DAB1: variants seen among roughly 807,000 people sequenced by gnomAD.
DAB1 encodes DAB adaptor protein 1.
Under a neutral mutation model 64.6 loss-of-function variants are expected in DAB1, and 15 were observed. That is an observed-to-expected ratio of 0.23 (90% CI 0.16 to 0.36). The LOEUF (loss-of-function observed/expected upper bound fraction) is 0.36. Among genes scored for constraint, DAB1 ranks in the 10% least tolerant of loss-of-function variants. DAB1 has a pLI of 1.00. For synonymous variants in DAB1, 235 were observed against 251.9 expected (o/e 0.93, Z 0.64); for missense variants, 596 against 706.7 (o/e 0.84, Z 1.78).
At chr1:58,229,505 AG>A (rs1425817407) in intron 4 of DAB1, among the ~76,000 whole-genome samples, 1 of 152,104 alleles carries the variant, frequency 6.6e-6, no homozygotes, top group African/African-American at 2.4e-5. Flanking sequence ...GACCTCACAG[AG>A]TGATAAGTGT....
chr1:57,866,727 A>G (rs1427499195), intron 1 of DAB1, among the ~76,000 whole-genome samples: 1 of 152,198 alleles, frequency 6.6e-6, no homozygotes, highest in East Asian at 1.9e-4. Context: ...AATGACAGGT[A>G]TTATTTTTAA....
At chr1:58,096,869 C>G (rs1280203426) in intron 5 of DAB1, among the ~76,000 whole-genome samples, 1 of 152,238 alleles carries the variant, frequency 6.6e-6, no homozygotes, top group East Asian at 1.9e-4. Flanking sequence ...CACTGGCTGA[C>G]TGGCCAGCCT....
At chr1:57,386,363 T>TG (rs965243465) in intron 1 of DAB1, among the ~76,000 whole-genome samples, 3 of 62,254 alleles carry the variant, frequency 4.8e-5, no homozygotes, top group African/African-American at 2.7e-4. Flanking sequence ...TTAGGCCCCT[T>TG]GGGAAAAAAA....
Position 57,308,274 on chromosome 1 carries a change from C to G in DAB1, c.-136-17108G>C, listed in dbSNP as rs77198502. Reference sequence around the variant, plus strand: ...AGCTAGTCCTGCAAACAGTCATTCTCTTGACATCTGTGATTCTCTAGATAT... The same window carrying G: ...AGCTAGTCCTGCAAACAGTCATTCTGTTGACATCTGTGATTCTCTAGATAT... On this transcript the variant is annotated intron_variant, in intron 1 of 14. Transcript: ENST00000371236. Among the ~76,000 whole-genome samples, 7 of 152,198 alleles carry G rather than the reference C, an allele frequency of 4.6e-5. No homozygotes were observed. The East Asian group carries it at 1.4e-3, about 29-fold the overall frequency.
intron 3 of DAB1, among the ~76,000 whole-genome samples, chr1:58,435,677 C>T (rs942224736): frequency 6.6e-6 from 1 of 152,220 alleles, no homozygotes; most frequent in African/African-American, 2.4e-5. Flanking sequence ...CCCTGTCAGG[C>T]TTCTCCTAAA....
At chr1:58,327,578 TC>T (rs1342981491) in intron 4 of DAB1, among the ~76,000 whole-genome samples, 1 of 152,148 alleles carries the variant, frequency 6.6e-6, no homozygotes, top group Non-Finnish European at 1.5e-5. Context: ...TTGTTGCTTC[TC>T]CCCCTATTTG....
At chr1:58,330,091 C>G (rs912517009) in intron 4 of DAB1, among the ~76,000 whole-genome samples, 6 of 152,202 alleles carry the variant, frequency 3.9e-5, no homozygotes, top group Admixed American at 6.5e-5. Flanking sequence ...GATTATCCTA[C>G]TTGTGAATGC....
intron 2 of DAB1, among the ~76,000 whole-genome samples, chr1:57,285,148 T>C (rs1672210648): frequency 6.6e-6 from 1 of 151,410 alleles, no homozygotes; most frequent in Non-Finnish European, 1.5e-5. Flanking sequence ...AATAAGGAGG[T>C]GATGGTGAAC....
intron 6 of DAB1, among the ~76,000 whole-genome samples, chr1:57,773,690 C>A (rs559020573): frequency 6.6e-6 from 1 of 151,920 alleles, no homozygotes; most frequent in Non-Finnish European, 1.5e-5. Flanking sequence ...GTATGATATG[C>A]GATGAGGGTC....
Position 57,439,418 on chromosome 1 carries a change from G to GTTTTTTTT in DAB1, n.626-148253_626-148252insAAAAAAAA. On this transcript the variant is annotated intron_variant and non_coding_transcript_variant, in intron 7 of 20. Coordinates refer to the DAB1 transcript ENST00000485760. Reference sequence around the variant, plus strand: ...GCCATGCCATCAACTTGGTGATGAGGTTTTTTCTTTTTTTTTTTTTTTTTT... The same window carrying GTTTTTTTT: ...GCCATGCCATCAACTTGGTGATGAGGTTTTTTTTTTTTTTCTTTTTTTTTTTTTTTTTT... Among the ~76,000 whole-genome samples the GTTTTTTTT allele has an allele frequency of 1.5e-3, 176 of 116,110 alleles. 15 individuals carry two copies. Among genetic ancestry groups the GTTTTTTTT allele is most frequent in the African/African-American group, 2.1e-3 (58 of 28,278 alleles). 76.2% of individuals were successfully genotyped at this position (116,110 alleles called of 152,430 possible).
At chr1:57,806,389 A>T (rs1651363393) in intron 6 of DAB1, among the ~76,000 whole-genome samples, 2 of 152,184 alleles carry the variant, frequency 1.3e-5, no homozygotes, top group East Asian at 3.9e-4. Context: ...TCCTTGTGAA[A>T]AGGGGGCATC....
At chr1:58,414,642 CAT>C (rs1351471179) in intron 3 of DAB1, among the ~76,000 whole-genome samples, 1 of 151,352 alleles carries the variant, frequency 6.6e-6, no homozygotes, top group Non-Finnish European at 1.5e-5. Context: ...TGAGGGAAAA[CAT>C]AGCATTATAG....
chr1:57,348,068 C>T (rs1678261940), intron 1 of DAB1, among the ~76,000 whole-genome samples: 1 of 152,136 alleles, frequency 6.6e-6, no homozygotes, highest in Admixed American at 6.5e-5. Flanking sequence ...GAACTATCAA[C>T]AAGGGTATTT....
chr1:57,974,014 C>G (rs1276862341), intron 5 of DAB1, among the ~76,000 whole-genome samples: 1 of 152,120 alleles, frequency 6.6e-6, no homozygotes, highest in African/African-American at 2.4e-5. Flanking sequence ...CTTCTTCCCC[C>G]TCTCTGACTT....
At chr1:57,295,110 G>C (rs1673082219) in intron 1 of DAB1, among the ~76,000 whole-genome samples, 1 of 152,084 alleles carries the variant, frequency 6.6e-6, no homozygotes, top group East Asian at 1.9e-4. Flanking sequence ...AATGGGTATG[G>C]GGTCTTCTTT....
chr1:58,222,780 T>A (rs1007569051), intron 4 of DAB1, among the ~76,000 whole-genome samples: 3 of 152,250 alleles, frequency 2.0e-5, no homozygotes, highest in Non-Finnish European at 4.4e-5. Flanking sequence ...GCTCCTTGTG[T>A]CCTTTAAATA....
chr1:57,018,548 G>A (rs1046231731), intron 11 of DAB1, among the ~76,000 whole-genome samples: 1 of 152,146 alleles, frequency 6.6e-6, no homozygotes. Context: ...TGTGAAAGGA[G>A]GTATTGCAAA....
chr1:57,295,731 G>A (rs1274404755), intron 1 of DAB1, among the ~76,000 whole-genome samples: 1 of 152,080 alleles, frequency 6.6e-6, no homozygotes, highest in Admixed American at 6.6e-5. Flanking sequence ...GATGTGACTG[G>A]GTGCCAGGGT....
intron 1 of DAB1, chr1:57,307,448 C>CCCA (rs1235319188): frequency 6.5e-6 from 1 of 152,876 alleles, no homozygotes; most frequent in Non-Finnish European, 1.5e-5. Context: ...CACAATCTTC[C>CCCA]CCACTCCTCC....
Sources: gnomAD v4.1 joint callset for allele counts (sites outside exome capture counted in the v4.1 genomes callset) on GRCh38, gnomAD v4.1.1 for gene constraint, MANE v1.5 for transcripts, NCBI Gene and HGNC (gene_info 2026-07-23, HGNC 2026-07-21) for gene names.